DIS3L2: variants seen among roughly 807,000 people sequenced by gnomAD.
DIS3L2 encodes DIS3 like 3'-5' exoribonuclease 2, also known as DIS3-like exonuclease 2.
DIS3L2 carries 34 observed loss-of-function variants against 97.5 expected under a neutral mutation model. The observed-to-expected ratio is 0.35, with a 90% CI of 0.27 to 0.46. The LOEUF is 0.46. Among genes scored for constraint, DIS3L2 ranks in the 20% least tolerant of loss-of-function variants. The pLI is 1.00. For missense variants in DIS3L2, 1,038 were observed against 1,146.0 expected, an observed-to-expected ratio of 0.91 and a Z score of 1.36; for synonymous variants, 435 against 445.2, an observed-to-expected ratio of 0.98 and a Z score of 0.29.
At chr2:232,006,742 A>G (rs1574805583) in intron 1 of DIS3L2, among the ~76,000 whole-genome samples, 1 of 152,210 alleles carries the variant, frequency 6.6e-6, no homozygotes, top group Admixed American at 6.5e-5. Flanking sequence ...AGGAGTCTGT[A>G]AGGAAACCTG....
chr2:232,240,739 C>A (rs1448831384), intron 11 of DIS3L2, among the ~76,000 whole-genome samples: 1 of 152,194 alleles, frequency 6.6e-6, no homozygotes, highest in East Asian at 1.9e-4. Flanking sequence ...TAAGAGAATG[C>A]AGTGCAAACT....
intron 5 of DIS3L2, among the ~76,000 whole-genome samples, chr2:232,069,539 A>G (rs1290110364): frequency 1.3e-5 from 2 of 152,204 alleles, no homozygotes; most frequent in African/African-American, 2.4e-5. Context: ...AGATACAGGG[A>G]TAATCAGTGT....
At chr2:232,291,382 T>C (rs1179832923) in intron 13 of DIS3L2, among the ~76,000 whole-genome samples, 2 of 152,276 alleles carry the variant, frequency 1.3e-5, no homozygotes, top group Non-Finnish European at 2.9e-5. Context: ...TTTTCTGATC[T>C]TTTAAATTCT....
chr2:232,234,305 G>A lies in DIS3L2; in HGVS notation c.1205-4228G>A, dbSNP rs368348084. ...TGTGTGTGAAGCCCCTAGCACAGAG[G>A]AGACATTTAATAAATGTTCACTCCT... On this transcript the variant is annotated intron_variant, in intron 10 of 20. Transcript: ENST00000325385. Among the ~76,000 whole-genome samples the A allele has an allele frequency of 2.1e-4, 32 of 152,296 alleles. 1 individual carries two copies. In the Middle Eastern group the frequency reaches 0.017, roughly 81 times the overall value.
intron 13 of DIS3L2, among the ~76,000 whole-genome samples, chr2:232,279,523 T>C (rs1694228601): frequency 6.6e-6 from 1 of 151,742 alleles, no homozygotes; most frequent in African/African-American, 2.4e-5. Context: ...TGTTTGTTTG[T>C]TTGTTTGTTT....
intron 8 of DIS3L2, among the ~76,000 whole-genome samples, chr2:232,141,722 G>C (rs1289496869): frequency 6.6e-6 from 1 of 152,092 alleles, no homozygotes; most frequent in Non-Finnish European, 1.5e-5. Flanking sequence ...AGGGGGTGGA[G>C]GTCTGTTCTG....
chr2:231,987,923 G>A (rs578104421), intron 1 of DIS3L2, among the ~76,000 whole-genome samples: 32 of 151,928 alleles, frequency 2.1e-4, no homozygotes, highest in South Asian at 4.2e-4. Flanking sequence ...CACTGTGCGC[G>A]ACCTCTGCCT....
chr2:232,175,970 A>G (rs1472464437), intron 9 of DIS3L2, among the ~76,000 whole-genome samples: 2 of 152,054 alleles, frequency 1.3e-5, no homozygotes, highest in Non-Finnish European at 2.9e-5. Context: ...ACTTACTGCA[A>G]CCTCCACTTC....
intron 9 of DIS3L2, among the ~76,000 whole-genome samples, chr2:232,166,888 G>A (rs1385258405): frequency 2.0e-5 from 3 of 151,986 alleles, no homozygotes; most frequent in Non-Finnish European, 4.4e-5. Flanking sequence ...GTGCATGGTG[G>A]CAGGTGCCTA....
chr2:232,206,988 A>C (rs1692043437), intron 9 of DIS3L2, among the ~76,000 whole-genome samples: 1 of 152,216 alleles, frequency 6.6e-6, no homozygotes. Context: ...GCACCCAGAG[A>C]CGTTTAATTT....
At chr2:232,128,226 G>C (rs1178150843) in intron 6 of DIS3L2, among the ~76,000 whole-genome samples, 3 of 152,068 alleles carry the variant, frequency 2.0e-5, no homozygotes, top group Admixed American at 1.3e-4. Flanking sequence ...GAAGTGCTGG[G>C]ATTACAGGCG....
intron 14 of DIS3L2, among the ~76,000 whole-genome samples, chr2:232,302,840 G>C (rs554345249): frequency 6.6e-6 from 1 of 152,020 alleles, no homozygotes; most frequent in Non-Finnish European, 1.5e-5. Flanking sequence ...GATTATAGTC[G>C]TGAGCCACCA....
At chr2:232,012,502 T>G (rs1694232949) in intron 1 of DIS3L2, among the ~76,000 whole-genome samples, 1 of 152,152 alleles carries the variant, frequency 6.6e-6, no homozygotes, top group South Asian at 2.1e-4. Flanking sequence ...CAGCGCTTGT[T>G]TTTGGGTTGC....
intron 6 of DIS3L2, among the ~76,000 whole-genome samples, chr2:232,088,991 A>G (rs73001173): frequency 0.015 from 2,296 of 152,302 alleles, 23 homozygotes; most frequent in Non-Finnish European, 0.021. Flanking sequence ...ATGAAAGGCT[A>G]GGAGAAATGC....
intron 6 of DIS3L2, among the ~76,000 whole-genome samples, chr2:232,095,964 C>CTGTTT (rs1696995357): frequency 1.3e-5 from 2 of 151,620 alleles, no homozygotes; most frequent in African/African-American, 2.4e-5. Context: ...TTGTTTCTCT[C>CTGTTT]TCTTTTCTTT....
chr2:232,081,973 A>G (rs769051446), intron 5 of DIS3L2, among the ~76,000 whole-genome samples: 4 of 152,202 alleles, frequency 2.6e-5, no homozygotes, highest in Non-Finnish European at 4.4e-5. Flanking sequence ...TATTTTTGGT[A>G]GAGACAGGGT....
chr2:232,011,040 T>C (rs1042594502), intron 1 of DIS3L2, among the ~76,000 whole-genome samples: 1 of 152,240 alleles, frequency 6.6e-6, no homozygotes, highest in Non-Finnish European at 1.5e-5. Flanking sequence ...TGAGGTCTAG[T>C]GCCTTTTCCC....
intron 9 of DIS3L2, among the ~76,000 whole-genome samples, chr2:232,167,807 T>C (rs1193860213): frequency 6.6e-6 from 1 of 152,194 alleles, no homozygotes; most frequent in Non-Finnish European, 1.5e-5. Context: ...CCCAGCACTT[T>C]GGGAGGCCAA....
Position 232,065,535 on chromosome 2 carries a change from A to G in DIS3L2, c.367-21952A>G, listed in dbSNP as rs1332019458. Among the ~76,000 whole-genome samples, 3 of 152,080 alleles carry G rather than the reference A, an allele frequency of 2.0e-5. 1 individual carries two copies. The highest frequency in any genetic ancestry group is 1.3e-4 in the Admixed American group (2 of 15,276). ...CAATTTACTATATAAATGTGATTCT[A>G]TTTCTAGGCTCTATATTCTGTTCCA... On this transcript the variant is annotated intron_variant, in intron 5 of 20. Coordinates refer to ENST00000325385, the MANE Select transcript of DIS3L2 (RefSeq NM_152383.5).
Sources: gnomAD v4.1 joint callset for allele counts (sites outside exome capture counted in the v4.1 genomes callset) on GRCh38, gnomAD v4.1.1 for gene constraint, MANE v1.5 for transcripts, NCBI Gene and HGNC (gene_info 2026-07-23, HGNC 2026-07-21) for gene names.